The following CALN1 variants were observed in gnomAD, a reference collection of about 807,000 sequenced individuals.
CALN1 encodes calneuron 1, also known as calcium-binding protein 8.
In CALN1, 17 loss-of-function variants were observed where a neutral mutation model predicts 30.6. The ratio of observed to expected loss-of-function variants is 0.56; its 90% CI spans 0.38 to 0.83. The LOEUF (loss-of-function observed/expected upper bound fraction) is 0.83. Ranked by LOEUF, CALN1 falls within the 40% of genes least tolerant of loss-of-function variation. The pLI, the probability that CALN1 is intolerant of heterozygous loss-of-function variation, is 0.00. For synonymous variants in CALN1, 156 were observed against 131.4 expected, an observed-to-expected ratio of 1.19 and a Z score of -1.28; for missense variants, 291 against 354.9, an observed-to-expected ratio of 0.82 and a Z score of 1.45.
At chr7:72,097,493 A>T (rs372289871) in intron 4 of CALN1, among the ~76,000 whole-genome samples, 5 of 152,224 alleles carry the variant, frequency 3.3e-5, no homozygotes, top group South Asian at 2.1e-4. Flanking sequence ...TCAAGAAGCC[A>T]TTCTTCTCAA....
intron 2 of CALN1, among the ~76,000 whole-genome samples, chr7:72,283,343 A>G (rs1196353899): frequency 1.3e-5 from 2 of 152,102 alleles, no homozygotes; most frequent in African/African-American, 4.8e-5. Flanking sequence ...TGGGCAACAG[A>G]GCAAGACCCT....
chr7:72,045,132 G>A (rs1407858508), intron 4 of CALN1, among the ~76,000 whole-genome samples: 1 of 152,230 alleles, frequency 6.6e-6, no homozygotes, highest in East Asian at 1.9e-4. Context: ...CCATTTGAAT[G>A]AATCTGGGGA....
At chr7:71,908,136 C>T (rs1794239917) in intron 5 of CALN1, among the ~76,000 whole-genome samples, 1 of 152,178 alleles carries the variant, frequency 6.6e-6, no homozygotes, top group Non-Finnish European at 1.5e-5. Context: ...CTCCAGTGAG[C>T]TCAGATCAAA....
intron 5 of CALN1, among the ~76,000 whole-genome samples, chr7:72,021,588 A>G (rs774761030): frequency 6.6e-6 from 1 of 152,112 alleles, no homozygotes; most frequent in African/African-American, 2.4e-5. Flanking sequence ...CTGGATCCTA[A>G]CAACAGTTCA....
At chr7:72,253,392 T>C (rs1294441718) in intron 3 of CALN1, among the ~76,000 whole-genome samples, 1 of 152,204 alleles carries the variant, frequency 6.6e-6, no homozygotes, top group East Asian at 1.9e-4. Context: ...TGTTAGTTTG[T>C]TTTAAGGACT....
intron 5 of CALN1, among the ~76,000 whole-genome samples, chr7:71,990,190 C>T (rs1028006452): frequency 3.9e-5 from 6 of 152,138 alleles, no homozygotes; most frequent in Non-Finnish European, 8.8e-5. Flanking sequence ...GACCCCTGGT[C>T]GTCCTCACTG....
intron 2 of CALN1, among the ~76,000 whole-genome samples, chr7:72,336,195 CCCTG>C (rs1291431519): frequency 6.6e-6 from 1 of 152,072 alleles, no homozygotes; most frequent in Non-Finnish European, 1.5e-5. Context: ...GTGGAGAGAA[CCCTG>C]CCTCCCGCCT....
chr7:72,185,145 G>T (rs10950302), intron 3 of CALN1, among the ~76,000 whole-genome samples: 65,403 of 151,620 alleles, frequency 0.43, 15,397 homozygotes, highest in East Asian at 0.96. Flanking sequence ...TTTGCAATTT[G>T]TGTGCAGTTG....
intron 2 of CALN1, among the ~76,000 whole-genome samples, chr7:72,298,885 G>A (rs186621322): frequency 1.1e-4 from 16 of 151,852 alleles, no homozygotes; most frequent in Admixed American, 5.9e-4. Flanking sequence ...ACGTCAAGTC[G>A]TGACTTGCTC....
chr7:71,881,800 C>T (rs1792583930), intron 5 of CALN1, among the ~76,000 whole-genome samples: 1 of 152,052 alleles, frequency 6.6e-6, no homozygotes, highest in African/African-American at 2.4e-5. Context: ...TAGCTGAGCA[C>T]AGTGGCTCAT....
chr7:72,199,937 T>C (rs1791304935), intron 3 of CALN1, among the ~76,000 whole-genome samples: 1 of 152,194 alleles, frequency 6.6e-6, no homozygotes, highest in African/African-American at 2.4e-5. Context: ...AGGCTTGTCC[T>C]GGTTCTACCT....
intron 4 of CALN1, among the ~76,000 whole-genome samples, chr7:72,099,559 T>C (rs757763142): frequency 6.6e-6 from 1 of 152,108 alleles, no homozygotes; most frequent in Non-Finnish European, 1.5e-5. Flanking sequence ...CTGAGAAGTT[T>C]ACTCATTGGC....
chr7:71,802,750 C>T lies in CALN1; in HGVS notation c.658+7586G>A, dbSNP rs369503358. Reference sequence around the variant, plus strand: ...ACACAAAAGTATATCAAGCTGGGTACGGGGGCTCACGCCTGTAATCCCAGC... The same window carrying T: ...ACACAAAAGTATATCAAGCTGGGTATGGGGGCTCACGCCTGTAATCCCAGC... On this transcript the variant is annotated intron_variant, in intron 6 of 6. Transcript: ENST00000395275. 2.2e-3 allele frequency among the ~76,000 whole-genome samples: 339 copies of T among 152,260 alleles called. 3 individuals carry two copies. Among genetic ancestry groups the T allele is most frequent in the African/African-American group, 8.0e-3 (332 of 41,566 alleles).
intron 3 of CALN1, among the ~76,000 whole-genome samples, chr7:72,267,037 G>C (rs566698654): frequency 6.6e-6 from 1 of 152,172 alleles, no homozygotes; most frequent in African/African-American, 2.4e-5. Flanking sequence ...CATTCATTGC[G>C]TAGGTTTTAG....
chr7:72,381,239 G>A (rs529330976), intron 2 of CALN1, among the ~76,000 whole-genome samples: 4 of 152,194 alleles, frequency 2.6e-5, no homozygotes, highest in African/African-American at 9.6e-5. Context: ...CTGTTGGTGA[G>A]AGTGTAAATT....
intron 5 of CALN1, among the ~76,000 whole-genome samples, chr7:71,985,493 G>C (rs563353388): frequency 6.6e-6 from 1 of 150,636 alleles, no homozygotes; most frequent in Admixed American, 6.6e-5. Context: ...TAAAAACAAA[G>C]AGAGAACAAC....
At chr7:72,402,736 G>A (rs562399321) in intron 2 of CALN1, among the ~76,000 whole-genome samples, 1 of 152,212 alleles carries the variant, frequency 6.6e-6, no homozygotes, top group African/African-American at 2.4e-5. Context: ...AGACAGGGTA[G>A]CCTAGTGGTT....
chr7:72,090,749 G>A (rs1322821334), intron 4 of CALN1, among the ~76,000 whole-genome samples: 1 of 152,130 alleles, frequency 6.6e-6, no homozygotes, highest in African/African-American at 2.4e-5. Flanking sequence ...AGCCATAAAA[G>A]GAAGGAAATC....
chr7:72,113,706 T>C (rs1807737322), intron 3 of CALN1, among the ~76,000 whole-genome samples: 1 of 152,244 alleles, frequency 6.6e-6, no homozygotes, highest in African/African-American at 2.4e-5. Flanking sequence ...GTTTTTGTGC[T>C]ATACCAGCAG....
Sources: allele counts gnomAD v4.1 joint callset (sites outside exome capture counted in the v4.1 genomes callset), GRCh38; gene constraint gnomAD v4.1.1; transcripts MANE v1.5; gene names NCBI Gene and HGNC (gene_info 2026-07-23, HGNC 2026-07-21).